SLC12A2: variants seen among roughly 807,000 people sequenced by gnomAD.
The protein encoded by SLC12A2 is solute carrier family 12 member 2.
In SLC12A2, 67 loss-of-function variants were observed where a neutral mutation model predicts 136.3. That is an observed-to-expected ratio of 0.49 (90% CI 0.40 to 0.60). The LOEUF is 0.60. Ranked by LOEUF, SLC12A2 falls within the 20% of genes least tolerant of loss-of-function variation. The pLI is 0.00. For missense variants in SLC12A2, 1,322 were observed against 1,534.7 expected, an observed-to-expected ratio of 0.86 and a Z score of 2.32; for synonymous variants, 619 against 562.9, an observed-to-expected ratio of 1.10 and a Z score of -1.41.
At chr5:128,093,872 A>G (rs966991328) in intron 1 of SLC12A2, among the ~76,000 whole-genome samples, 5 of 152,096 alleles carry the variant, frequency 3.3e-5, no homozygotes, top group South Asian at 2.1e-4. Context: ...TTGTTGCCCA[A>G]TGCTCCCTGC....
chr5:128,175,408 ATTTAT>A (rs1381698040), intron 20 of SLC12A2, among the ~76,000 whole-genome samples: 15 of 151,980 alleles, frequency 9.9e-5, no homozygotes, highest in African/African-American at 3.4e-4. Flanking sequence ...CTTGATTATA[ATTTAT>A]TTTGTTTTTC....
chr5:128,110,756 A>C lies in SLC12A2; in HGVS notation c.757-2058A>C. 6.1e-6 allele frequency: 9 copies of C among 1,470,264 alleles called. No homozygotes were observed. The South Asian group carries it at 9.1e-5, about 15-fold the overall frequency. 91.1% of individuals were successfully genotyped at this position (1,470,264 alleles called of 1,614,324 possible). A position where few individuals can be genotyped will look rare whatever the true frequency, so the allele number is the denominator to read the frequency against. On this transcript the variant is annotated intron_variant, in intron 1 of 26. Transcript: ENST00000262461. ...CTGAGCGATCTGCTAGAAAAACTTA[A>C]ATGGACAAAAGATCACAATGAAGAG... is the stretch of plus-strand genomic sequence containing the variant.
chr5:128,150,555 A>G (rs1762669273), intron 13 of SLC12A2, among the ~76,000 whole-genome samples: 1 of 151,916 alleles, frequency 6.6e-6, no homozygotes. Flanking sequence ...CAGGGAACAT[A>G]TAAAGTATGA....
At chr5:128,100,302 A>G (rs1167659221) in intron 1 of SLC12A2, among the ~76,000 whole-genome samples, 1 of 152,078 alleles carries the variant, frequency 6.6e-6, no homozygotes, top group Non-Finnish European at 1.5e-5. Flanking sequence ...AAAGGACTTC[A>G]CCTCTGACCC....
At chr5:128,099,574 T>G (rs1760670928) in intron 1 of SLC12A2, among the ~76,000 whole-genome samples, 1 of 152,204 alleles carries the variant, frequency 6.6e-6, no homozygotes, top group East Asian at 1.9e-4. Flanking sequence ...TGTTTAAAAC[T>G]TTTTGACACT....
rs751759909 is a variant in SLC12A2 at position 128,158,048 on chromosome 5, A to T, written c.2364-5A>T. The T allele has an allele frequency of 1.3e-6, 2 of 1,599,688 alleles. No individual in the cohort carries two copies. Among genetic ancestry groups the T allele is most frequent in the East Asian group, 2.2e-5 (1 of 44,756 alleles). On this transcript the variant is annotated splice_polypyrimidine_tract_variant and splice_region_variant and intron_variant, in intron 15 of 26. Transcript: ENST00000262461. ...AATTTTGTTTGTCTTTTCATCTTAA[A>T]TTAGGCCACAGTGTCTTGTTATGAC... is the stretch of plus-strand genomic sequence containing the variant.
At chr5:128,125,923 C>T (rs1357771672) in intron 4 of SLC12A2, among the ~76,000 whole-genome samples, 3 of 152,238 alleles carry the variant, frequency 2.0e-5, no homozygotes, top group Non-Finnish European at 2.9e-5. Context: ...TTTTTTGAAA[C>T]AGCTATCTGT....
chr5:128,106,321 G>T (rs954626495), intron 1 of SLC12A2, among the ~76,000 whole-genome samples: 7 of 152,082 alleles, frequency 4.6e-5, no homozygotes, highest in African/African-American at 1.7e-4. Flanking sequence ...ATAATTTATA[G>T]TTCATAATTG....
intron 16 of SLC12A2, among the ~76,000 whole-genome samples, chr5:128,160,385 T>TTA (rs764116691): frequency 6.7e-4 from 102 of 152,070 alleles, no homozygotes; most frequent in African/African-American, 1.0e-3. Context: ...ACTTAAAGTT[T>TTA]TATATATATA....
intron 9 of SLC12A2, among the ~76,000 whole-genome samples, chr5:128,139,177 A>G (rs1762276233): frequency 1.3e-5 from 2 of 152,162 alleles, no homozygotes; most frequent in South Asian, 4.1e-4. Context: ...TTGCATCTAT[A>G]AACTCATTCC....
intron 14 of SLC12A2, among the ~76,000 whole-genome samples, chr5:128,151,701 G>A (rs899174326): frequency 2.0e-5 from 3 of 151,658 alleles, no homozygotes; most frequent in Non-Finnish European, 2.9e-5. Context: ...TGCTGCACTC[G>A]GTATATTTTT....
At chr5:128,093,646 G>C (rs1171980775) in intron 1 of SLC12A2, among the ~76,000 whole-genome samples, 1 of 152,082 alleles carries the variant, frequency 6.6e-6, no homozygotes, top group Non-Finnish European at 1.5e-5. Context: ...CAATCACTGA[G>C]TTCTGTCAAC....
chr5:128,138,194 C>G (rs184854606), intron 7 of SLC12A2, among the ~76,000 whole-genome samples: 2 of 152,296 alleles, frequency 1.3e-5, no homozygotes, highest in Admixed American at 1.3e-4. Context: ...CTGCTTCGGT[C>G]TCCCAACGTG....
At chr5:128,087,881 C>T (rs1434709593) in intron 1 of SLC12A2, among the ~76,000 whole-genome samples, 4 of 151,904 alleles carry the variant, frequency 2.6e-5, no homozygotes, top group Non-Finnish European at 5.9e-5. Context: ...GGTACTGTTG[C>T]TTGAGATGAG....
At chr5:128,125,495 A>C (rs556079512) in intron 4 of SLC12A2, among the ~76,000 whole-genome samples, 59 of 152,270 alleles carry the variant, frequency 3.9e-4, no homozygotes, top group African/African-American at 1.1e-3. Context: ...CAATTTAAAA[A>C]TTGGATTGTC....
In SLC12A2 at chr5:128,171,957, G is replaced by A. The variant is rs1196186056; in HGVS notation, c.2803+211G>A. 5 of 391,500 alleles carry A rather than the reference G, an allele frequency of 1.3e-5. No homozygotes were observed. In the South Asian group the frequency reaches 2.9e-4, roughly 23 times the overall value. The allele number at this position is 391,500 out of a possible 1,614,324, so 24.3% of individuals were successfully genotyped here. A position where few individuals can be genotyped will look rare whatever the true frequency, so the allele number is the denominator to read the frequency against. On this transcript the variant is annotated intron_variant, in intron 19 of 26. Coordinates refer to ENST00000262461, the MANE Select transcript of SLC12A2 (RefSeq NM_001046.3). ...CTGGATGATGGTTAGTGATTATTTG[G>A]ATTGAATAAAATTCAATCCAAAGCA...
At position 128,134,245 on chromosome 5, in the gene SLC12A2, C is replaced by T. The variant is rs1362956901; in HGVS notation, c.1269C>T (p.Ile423=). Residue 423 remains isoleucine, a synonymous_variant, in exon 6 of 27, where the codon ATC becomes ATT. Coordinates refer to ENST00000262461, the MANE Select transcript of SLC12A2 (RefSeq NM_001046.3). The part of the protein sequence containing the change: ...GAITVVILLG[I]SVAGMEWEAK... ...TTACAGTCGTGATTCTTTTAGGTAT[C>T]TCAGTAGCTGGAATGGAGTGGGAAG... 6.3e-7 allele frequency: 1 copy of T among 1,599,352 alleles called. No homozygotes were observed. The highest frequency in any genetic ancestry group is 1.7e-5 in the Admixed American group (1 of 59,924).
rs778601053 is a variant in SLC12A2, at chr5:128,084,556, A to G, written c.602A>G (p.Tyr201Cys). 2.5e-6 allele frequency: 4 copies of G among 1,613,648 alleles called. No individual in the cohort carries two copies. The highest frequency in any genetic ancestry group is 2.2e-5 in the East Asian group (1 of 44,870). The change falls in exon 1 of 27, where the codon TAT becomes TGT. Residue 201 changes from tyrosine (Y) to cysteine (C), a missense_variant. Coordinates refer to ENST00000262461, the MANE Select transcript of SLC12A2 (RefSeq NM_001046.3). This position sits in a 1 kb window ranked among gnomAD's most constrained non-coding sequence, Gnocchi z 5.6. ...GGSGHHQHYY[Y>C]DTHTNTYYLR... ...AGTGGGCACCACCAGCACTACTATT[A>G]TGATACCCACACCAACACCTACTAC...
intron 1 of SLC12A2, chr5:128,109,895 T>C (rs1369214440): frequency 1.8e-5 from 14 of 794,480 alleles, no homozygotes; most frequent in Non-Finnish European, 3.0e-5. Flanking sequence ...GAATTGTGAC[T>C]GGCCTTTGCA....
Sources: gnomAD v4.1 joint callset for allele counts (sites outside exome capture counted in the v4.1 genomes callset) on GRCh38, gnomAD v4.1.1 for gene constraint, Gnocchi (gnomAD v3.1) non-coding constraint, MANE v1.5 for transcripts, NCBI Gene and HGNC (gene_info 2026-07-23, HGNC 2026-07-21) for gene names.